WDPCP: variants seen among roughly 807,000 people sequenced by gnomAD.
WDPCP encodes WD repeat containing planar cell polarity effector.
In WDPCP, 71 loss-of-function variants were observed where a neutral mutation model predicts 93.1. The observed-to-expected ratio is 0.76, with a 90% confidence interval of 0.63 to 0.93. The LOEUF is 0.93. Among genes scored for constraint, WDPCP ranks in the 40% least tolerant of loss-of-function variants. The pLI, the probability that WDPCP is intolerant of heterozygous loss-of-function variation, is 0.00. For synonymous variants in WDPCP, 315 were observed against 315.0 expected, an observed-to-expected ratio of 1.00 and a Z score of 0.00; for missense variants, 844 against 887.4, an observed-to-expected ratio of 0.95 and a Z score of 0.62.
intron 9 of WDPCP, among the ~76,000 whole-genome samples, chr2:63,428,529 C>T (rs1431955155): frequency 6.6e-6 from 1 of 152,088 alleles, no homozygotes; most frequent in Non-Finnish European, 1.5e-5. Context: ...CAATACAATC[C>T]AACATCCTTT....
chr2:63,628,422 C>T (rs1362196184), intron 3 of WDPCP, among the ~76,000 whole-genome samples: 5 of 152,002 alleles, frequency 3.3e-5, no homozygotes, highest in African/African-American at 1.2e-4. Context: ...ATGAACATAC[C>T]TTCTGACAAT....
At chr2:63,749,771 G>C (rs867922892) in intron 2 of WDPCP, among the ~76,000 whole-genome samples, 1 of 152,068 alleles carries the variant, frequency 6.6e-6, no homozygotes, top group Non-Finnish European at 1.5e-5. Flanking sequence ...ATGCTTTTAA[G>C]ATTTCTTGAA....
chr2:63,700,733 T>G lies in WDPCP; in HGVS notation n.309-49895A>C, dbSNP rs543636641. 2.6e-5 allele frequency among the ~76,000 whole-genome samples: 4 copies of G among 152,252 alleles called. No homozygotes were observed. In the South Asian group the frequency reaches 8.3e-4, roughly 32 times the overall value. ...ATAAATCCATGTATTTACAGCCAACTCATTTCAACGCAGACACCAAGCACA... is the reference window on the plus strand; with the variant it reads ...ATAAATCCATGTATTTACAGCCAACGCATTTCAACGCAGACACCAAGCACA... On this transcript the variant is annotated intron_variant and non_coding_transcript_variant, in intron 2 of 4. Transcript: ENST00000467687.
chr2:63,565,414 G>T lies in WDPCP; in HGVS notation c.75+22783C>A, dbSNP rs551144813. On this transcript the variant is annotated intron_variant, in intron 1 of 17. Transcript: ENST00000272321. ...AGATATACACCTTGAAAATACACAG[G>T]TATGTATTTTAAATAACCTTAGAAA... Among the ~76,000 whole-genome samples, 18 of 152,068 alleles carry T rather than the reference G, an allele frequency of 1.2e-4. No individual in the cohort carries two copies. The South Asian group carries it at 1.7e-3, about 14-fold the overall frequency.
intron 2 of WDPCP, among the ~76,000 whole-genome samples, chr2:63,794,662 T>C (rs1670590356): frequency 6.6e-6 from 1 of 152,224 alleles, no homozygotes; most frequent in Non-Finnish European, 1.5e-5. Flanking sequence ...CAAGGCCTAT[T>C]CTACCTCTAG....
At chr2:63,187,838 C>T (rs1370207563) in intron 14 of WDPCP, among the ~76,000 whole-genome samples, 1 of 152,124 alleles carries the variant, frequency 6.6e-6, no homozygotes, top group Non-Finnish European at 1.5e-5. Context: ...ATGTTGGTGC[C>T]TACCATCCTT....
intron 2 of WDPCP, among the ~76,000 whole-genome samples, chr2:63,801,551 C>A (rs770673534): frequency 6.6e-6 from 1 of 152,174 alleles, no homozygotes; most frequent in Non-Finnish European, 1.5e-5. Context: ...TTTGTCCCCG[C>A]CCATGTTCCA....
At chr2:63,622,624 A>G in intron 3 of WDPCP, 1 of 1,613,910 alleles carries the variant, frequency 6.2e-7, no homozygotes, top group South Asian at 1.1e-5. Flanking sequence ...TTGGCAGGAA[A>G]TAGTTGCTTG....
intron 14 of WDPCP, among the ~76,000 whole-genome samples, chr2:63,182,727 C>G: frequency 7.0e-6 from 1 of 142,154 alleles, no homozygotes; most frequent in Non-Finnish European, 1.5e-5. Flanking sequence ...GGTACCAGTT[C>G]TTTGTAGATT....
At chr2:63,531,480 G>C (rs1219589969) in intron 1 of WDPCP, among the ~76,000 whole-genome samples, 2 of 152,132 alleles carry the variant, frequency 1.3e-5, no homozygotes, top group Admixed American at 6.5e-5. Context: ...GCCCCTCTAA[G>C]ATGAAGCTTC....
At position 63,364,305 on chromosome 2, in the gene WDPCP, G is replaced by A. The variant is rs189116306; in HGVS notation, c.1748+14081C>T. Among the ~76,000 whole-genome samples, 9 of 152,258 alleles carry A rather than the reference G, an allele frequency of 5.9e-5. No individual in the cohort carries two copies. In the East Asian group the frequency reaches 1.2e-3, roughly 20 times the overall value. Reference sequence around the variant, plus strand: ...TCTAAATGTGACAAAAATCTCAACCGAGTATAATATTCTCGGGTCACACTT... The same window carrying A: ...TCTAAATGTGACAAAAATCTCAACCAAGTATAATATTCTCGGGTCACACTT... On this transcript the variant is annotated intron_variant, in intron 12 of 17. Transcript: ENST00000272321.
chr2:63,445,941 C>G (rs981368187), intron 6 of WDPCP, among the ~76,000 whole-genome samples: 3 of 152,092 alleles, frequency 2.0e-5, no homozygotes, highest in African/African-American at 2.4e-5. Context: ...ATCTCATGCT[C>G]ATACTAATTC....
chr2:63,378,186 A>G, intron 12 of WDPCP, 200 bp downstream of exon 12: 1 of 695,866 alleles, frequency 1.4e-6, no homozygotes, highest in Non-Finnish European at 2.3e-6. Context: ...GGTTATATAA[A>G]ACCCCCAAAT....
intron 2 of WDPCP, among the ~76,000 whole-genome samples, chr2:63,685,964 A>G (rs1415640912): frequency 6.6e-6 from 1 of 152,232 alleles, no homozygotes; most frequent in East Asian, 1.9e-4. Context: ...TGTCAACACA[A>G]TAAAAGCCAT....
chr2:63,808,483 G>A (rs1049665990), intron 2 of WDPCP, among the ~76,000 whole-genome samples: 15 of 152,290 alleles, frequency 9.8e-5, no homozygotes, highest in East Asian at 3.9e-4. Context: ...CTGCGATTGC[G>A]GGCACGCGCT....
chr2:63,767,997 C>G (rs1670171261), intron 2 of WDPCP, among the ~76,000 whole-genome samples: 1 of 137,840 alleles, frequency 7.3e-6, no homozygotes, highest in Non-Finnish European at 1.6e-5. Flanking sequence ...AGGAAAATAA[C>G]AACAACAACC....
At chr2:63,785,782 C>G (rs1670458248) in intron 2 of WDPCP, among the ~76,000 whole-genome samples, 1 of 152,078 alleles carries the variant, frequency 6.6e-6, no homozygotes, top group South Asian at 2.1e-4. Flanking sequence ...CTGGAGAAAC[C>G]TGATTTAACA....
chr2:63,584,809 T>C (rs978392005), intron 1 of WDPCP, among the ~76,000 whole-genome samples: 5 of 152,146 alleles, frequency 3.3e-5, no homozygotes, highest in African/African-American at 1.2e-4. Context: ...CACAGCTAGG[T>C]AGTAAAGTTA....
At chr2:63,602,594 T>C (rs1453116215) in intron 3 of WDPCP, among the ~76,000 whole-genome samples, 3 of 152,168 alleles carry the variant, frequency 2.0e-5, no homozygotes, top group Non-Finnish European at 4.4e-5. Context: ...CTATGACATT[T>C]AATTACAAGT....
Sources: allele counts gnomAD v4.1 joint callset (sites outside exome capture counted in the v4.1 genomes callset), GRCh38; gene constraint gnomAD v4.1.1; transcripts MANE v1.5; gene names NCBI Gene and HGNC (gene_info 2026-07-23, HGNC 2026-07-21).